The following ABTB2 variants were observed in gnomAD, a reference collection of about 807,000 sequenced individuals.
ABTB2 encodes the protein ankyrin repeat and BTB domain containing 2, also known as ankyrin repeat and BTB/POZ domain-containing protein 2.
ABTB2 carries 56 observed loss-of-function variants against 104.1 expected under a neutral mutation model. The ratio of observed to expected loss-of-function variants is 0.54; its 90% confidence interval spans 0.43 to 0.67. The LOEUF (loss-of-function observed/expected upper bound fraction) is 0.67. Ranked by LOEUF, ABTB2 falls within the 30% of genes least tolerant of loss-of-function variation. The probability of loss-of-function intolerance (pLI) is 0.00; values close to 1 mark genes in which losing one functional copy is unlikely to be tolerated. For synonymous variants in ABTB2, 606 were observed against 608.2 expected, an observed-to-expected ratio of 1.00 and a Z score of 0.05; for missense variants, 1,279 against 1,407.7, an observed-to-expected ratio of 0.91 and a Z score of 1.46.
At chr11:34,342,509 C>T (rs901368818) in intron 1 of ABTB2, among the ~76,000 whole-genome samples, 8 of 152,154 alleles carry the variant, frequency 5.3e-5, no homozygotes, top group South Asian at 2.1e-4. Context: ...TCAAAGAGCC[C>T]GGCTGTGTCA....
intron 1 of ABTB2, among the ~76,000 whole-genome samples, chr11:34,349,753 C>T (rs991293295): frequency 1.3e-5 from 2 of 152,200 alleles, no homozygotes; most frequent in Admixed American, 1.3e-4. Flanking sequence ...TTTTGATGGT[C>T]TCAACTGGTG....
chr11:34,270,858 T>A (rs1590236185), intron 1 of ABTB2, among the ~76,000 whole-genome samples: 1 of 152,232 alleles, frequency 6.6e-6, no homozygotes, highest in Non-Finnish European at 1.5e-5. Context: ...TTCGTTTTTT[T>A]AAAGAGTGCT....
At chr11:34,291,675 T>G (rs2133093140) in intron 1 of ABTB2, among the ~76,000 whole-genome samples, 1 of 152,234 alleles carries the variant, frequency 6.6e-6, no homozygotes. Context: ...TTTGTAGTTT[T>G]AGTAGAGTCG....
At chr11:34,195,388 C>T (rs1003678214) in intron 3 of ABTB2, among the ~76,000 whole-genome samples, 1 of 152,216 alleles carries the variant, frequency 6.6e-6, no homozygotes, top group Non-Finnish European at 1.5e-5. Context: ...CCCCAGCTCC[C>T]GCCAAAGGTG....
rs113928293 is a variant in ABTB2 at position 34,338,392 on chromosome 11, GA to G, written c.883+18308del. Among the ~76,000 whole-genome samples the G allele has an allele frequency of 6.3e-3, 918 of 146,108 alleles. 9 individuals are homozygous for G. The highest frequency in any genetic ancestry group is 0.027 in the East Asian group (134 of 5,032). ...TGAGACCACTTCTCAAAAAAGAAAAGAAAAAAAAAATACAGATGTTCTGGTC... is the reference window on the plus strand; with the variant it reads ...TGAGACCACTTCTCAAAAAAGAAAAGAAAAAAAAATACAGATGTTCTGGTC... On this transcript the variant is annotated intron_variant, in intron 1 of 16. Transcript: ENST00000435224.
At chr11:34,160,698 G>GC (rs1554979777) in intron 11 of ABTB2, among the ~76,000 whole-genome samples, 1 of 106,476 alleles carries the variant, frequency 9.4e-6, no homozygotes, top group African/African-American at 3.5e-5. Context: ...TGTTGAGTGG[G>GC]GGGGGGGGCC....
chr11:34,261,751 C>T (rs528339655), intron 1 of ABTB2, among the ~76,000 whole-genome samples: 8 of 152,280 alleles, frequency 5.3e-5, no homozygotes, highest in East Asian at 1.9e-4. Flanking sequence ...TTTTAAAAAA[C>T]GCTATCACAC....
chr11:34,334,485 A>C (rs1855168953), intron 1 of ABTB2, among the ~76,000 whole-genome samples: 1 of 152,196 alleles, frequency 6.6e-6, no homozygotes, highest in Non-Finnish European at 1.5e-5. Context: ...TTGAGAACCC[A>C]CTAATTTTTT....
rs1393156582 is a variant in ABTB2, at chr11:34,288,749, ATCACT to A, written c.883+67947_883+67951del. ...GCTAGGCCTCTGTGTTGTTGCAGAA[ATCACT>A]CCTCTCCTGGGTGCACAAGGAAGGT... On this transcript the variant is annotated intron_variant, in intron 1 of 16. Transcript: ENST00000435224. 4.1e-5 allele frequency among the ~76,000 whole-genome samples: 3 copies of A among 72,796 alleles called. No homozygotes were observed. In the East Asian group the frequency reaches 1.0e-3, roughly 25 times the overall value. The allele number at this position is 72,796 out of a possible 152,430, so 47.8% of individuals were successfully genotyped here.
intron 3 of ABTB2, among the ~76,000 whole-genome samples, chr11:34,195,709 C>T (rs1853245621): frequency 2.6e-5 from 4 of 152,176 alleles, no homozygotes; most frequent in Admixed American, 2.6e-4. Flanking sequence ...TGAAGAACAC[C>T]TCTTTCTTGG....
chr11:34,294,974 A>G (rs1333536058), intron 1 of ABTB2, among the ~76,000 whole-genome samples: 1 of 151,584 alleles, frequency 6.6e-6, no homozygotes, highest in Non-Finnish European at 1.5e-5. Context: ...TCACCCTCCC[A>G]AAGTGTTGGG....
chr11:34,309,071 T>C (rs1204672620), intron 1 of ABTB2, among the ~76,000 whole-genome samples: 1 of 152,144 alleles, frequency 6.6e-6, no homozygotes, highest in South Asian at 2.1e-4. Context: ...CAGAGGCAGA[T>C]TTACTACGAA....
intron 1 of ABTB2, among the ~76,000 whole-genome samples, chr11:34,345,548 T>A (rs915325726): frequency 6.6e-6 from 1 of 151,384 alleles, no homozygotes; most frequent in Non-Finnish European, 1.5e-5. Context: ...CCCGCCATCA[T>A]CATTTGTCTC....
Position 34,310,322 on chromosome 11 carries a change from C to G in ABTB2, c.883+46379G>C, listed in dbSNP as rs1854835086. Among the ~76,000 whole-genome samples the G allele has an allele frequency of 7.9e-5, 12 of 152,270 alleles. No individual in the cohort carries two copies. In the South Asian group the frequency reaches 2.5e-3, roughly 32 times the overall value. Reference sequence around the variant, plus strand: ...TCTCTCCCTCTCTCAATTAAAGCTCCAGCATCTACCCTGCTGTGAGTGCCA... The same window carrying G: ...TCTCTCCCTCTCTCAATTAAAGCTCGAGCATCTACCCTGCTGTGAGTGCCA... On this transcript the variant is annotated intron_variant, in intron 1 of 16. Coordinates refer to ENST00000435224, the MANE Select transcript of ABTB2 (RefSeq NM_145804.3).
At position 34,356,608 on chromosome 11, in the gene ABTB2, C is replaced by G. The variant is rs1300991657; in HGVS notation, c.883+93G>C. The G allele has an allele frequency of 1.6e-5, 23 of 1,425,908 alleles. No homozygotes were observed. Among genetic ancestry groups the G allele is most frequent in the Admixed American group, 2.8e-5 (1 of 36,228 alleles). 88.3% of individuals were successfully genotyped at this position (1,425,908 alleles called of 1,614,324 possible). On this transcript the variant is annotated intron_variant, in intron 1 of 16. Coordinates refer to ENST00000435224, the MANE Select transcript of ABTB2 (RefSeq NM_145804.3). This position sits in a 1 kb window ranked among gnomAD's most constrained non-coding sequence, Gnocchi z 4.6. ...TTTTCTCCCAAAGAACTGGCACAGCCACCAGCTTTGTCTCAGGAAATTCAC... is the reference window on the plus strand; with the variant it reads ...TTTTCTCCCAAAGAACTGGCACAGCGACCAGCTTTGTCTCAGGAAATTCAC...
chr11:34,256,184 C>A (rs941084105), intron 1 of ABTB2, among the ~76,000 whole-genome samples: 5 of 151,910 alleles, frequency 3.3e-5, no homozygotes, highest in African/African-American at 1.2e-4. Flanking sequence ...GCGGGGGGCA[C>A]CTAGAGACAA....
intron 1 of ABTB2, among the ~76,000 whole-genome samples, chr11:34,215,369 A>G (rs55969376): frequency 0.076 from 11,608 of 152,296 alleles, 609 homozygotes; most frequent in Non-Finnish European, 0.12. Flanking sequence ...TCTCCTTGAG[A>G]GTTTAAGGAA....
At chr11:34,328,239 C>A (rs1855092927) in intron 1 of ABTB2, among the ~76,000 whole-genome samples, 1 of 152,222 alleles carries the variant, frequency 6.6e-6, no homozygotes, top group Non-Finnish European at 1.5e-5. Context: ...TCCTTCTTCC[C>A]AGGCTTCCAG....
chr11:34,159,247 G>A, intron 14 of ABTB2, 49 bp downstream of exon 14: 1 of 1,469,772 alleles, frequency 6.8e-7, no homozygotes, highest in Non-Finnish European at 9.5e-7. Context: ...GTGGGCTCCT[G>A]GGGGAGGGTC....
Sources: gnomAD v4.1 joint callset for allele counts (sites outside exome capture counted in the v4.1 genomes callset) on GRCh38, gnomAD v4.1.1 for gene constraint, Gnocchi (gnomAD v3.1) non-coding constraint, MANE v1.5 for transcripts, NCBI Gene and HGNC (gene_info 2026-07-23, HGNC 2026-07-21) for gene names.